Variants in PKD1L1 observed in about 807,000 individuals in gnomAD.
PKD1L1 encodes polycystin 1 like 1, transient receptor potential channel interacting, also known as polycystin-1-like protein 1.
A neutral mutation model predicts 323.4 loss-of-function variants in PKD1L1; 236 were observed. The observed-to-expected ratio is 0.73, with a 90% CI of 0.66 to 0.81. PKD1L1 has a LOEUF of 0.81. Among genes scored for constraint, PKD1L1 ranks in the 40% least tolerant of loss-of-function variants. The pLI is 0.00. For synonymous variants in PKD1L1, 1,344 were observed against 1,335.0 expected, an observed-to-expected ratio of 1.01 and a Z score of -0.15; for missense variants, 3,320 against 3,508.0, an observed-to-expected ratio of 0.95 and a Z score of 1.35.
At chr7:47,838,133 C>CT (rs1785495946) in intron 36 of PKD1L1, among the ~76,000 whole-genome samples, 1 of 152,240 alleles carries the variant, frequency 6.6e-6, no homozygotes, top group Admixed American at 6.5e-5. Context: ...TTGAATGGAC[C>CT]TTCAGTTTTA....
At chr7:47,922,840 G>C (rs6963179) in intron 7 of PKD1L1, among the ~76,000 whole-genome samples, 18,238 of 152,250 alleles carry the variant, frequency 0.12, 3,712 homozygotes, top group African/African-American at 0.42. Flanking sequence ...GGAGGTGTAC[G>C]CAACAGCTCA....
chr7:47,932,017 C>A lies in PKD1L1; in HGVS notation c.438G>T (p.Trp146Cys). Residue 146 changes from tryptophan (W) to cysteine (C), a missense_variant, in exon 5 of 57, where the codon TGG (tryptophan) becomes TGT (cysteine). Coordinates refer to ENST00000289672, the MANE Select transcript of PKD1L1 (RefSeq NM_138295.5). Reference protein sequence around the residue: ...HKPFIIIARAWSSGGPRFHHR... With the variant: ...HKPFIIIARACSSGGPRFHHR... ...GATGGAACCTGGGGCCACCACTGCT[C>A]CAGGCCCTTGCGATTATAATGAAAG... is the stretch of plus-strand genomic sequence containing the variant. 2 of 1,613,788 alleles carry A rather than the reference C, an allele frequency of 1.2e-6. No individual in the cohort carries two copies. The highest frequency in any genetic ancestry group is 1.7e-6 in the Non-Finnish European group (2 of 1,179,806).
At chr7:47,797,010 A>C (rs1311760007) in intron 54 of PKD1L1, among the ~76,000 whole-genome samples, 8 of 151,106 alleles carry the variant, frequency 5.3e-5, no homozygotes, top group Admixed American at 1.3e-4. Context: ...AAAAAAAAAA[A>C]AAAAAACACC....
intron 7 of PKD1L1, among the ~76,000 whole-genome samples, chr7:47,922,674 G>A (rs1787572938): frequency 1.3e-5 from 2 of 151,650 alleles, no homozygotes; most frequent in African/African-American, 2.4e-5. Flanking sequence ...CCTCCGCCCG[G>A]CAGCTGCCCC....
intron 15 of PKD1L1, among the ~76,000 whole-genome samples, chr7:47,892,744 C>A (rs926107933): frequency 6.6e-6 from 1 of 152,024 alleles, no homozygotes; most frequent in African/African-American, 2.4e-5. Flanking sequence ...CTATCCCTGC[C>A]TTGGAGACAG....
chr7:47,890,673 A>G lies in PKD1L1; in HGVS notation c.2544T>C (p.Thr848=). ...TGAGCCATTGTGCCTCAAAGGAAAC[A>G]GTGGGAGCCGCGGCATCCAGTTGGT... is the stretch of plus-strand genomic sequence containing the variant. ...TAHQLDAAAP[T]VSFEAQWLSD... The change falls in exon 16 of 57, where the codon ACT becomes ACC. Residue 848 remains threonine, a synonymous_variant. Coordinates refer to ENST00000289672, the MANE Select transcript of PKD1L1 (RefSeq NM_138295.5). 12 of 1,614,072 alleles carry G rather than the reference A, an allele frequency of 7.4e-6. No individual in the cohort carries two copies. Among genetic ancestry groups the G allele is most frequent in the Non-Finnish European group, 1.0e-5 (12 of 1,180,026 alleles).
intron 14 of PKD1L1, among the ~76,000 whole-genome samples, chr7:47,896,399 G>A (rs1323844376): frequency 2.0e-5 from 3 of 147,264 alleles, no homozygotes; most frequent in Non-Finnish European, 3.0e-5. Context: ...TAACATTAAT[G>A]TTGGTCAGTT....
At chr7:47,777,405 T>A (rs538739318) in intron 56 of PKD1L1, among the ~76,000 whole-genome samples, 5 of 152,204 alleles carry the variant, frequency 3.3e-5, no homozygotes, top group Non-Finnish European at 5.9e-5. Context: ...CTGTAGCAGA[T>A]ATCCTGCAAC....
chr7:47,954,795 C>T, the PKD1L1 span, among the ~76,000 whole-genome samples: 1 of 152,190 alleles, frequency 6.6e-6, no homozygotes, highest in South Asian at 2.1e-4. Flanking sequence ...GAGAAACTGT[C>T]TCAAGAGGCT....
At chr7:47,819,337 A>G (rs1359425684) in intron 46 of PKD1L1, among the ~76,000 whole-genome samples, 4 of 152,258 alleles carry the variant, frequency 2.6e-5, no homozygotes, top group Non-Finnish European at 5.9e-5. Flanking sequence ...CTCAGCTGCG[A>G]TATTTCTGAT....
chr7:47,865,568 A>ATT (rs1262024152), intron 25 of PKD1L1, among the ~76,000 whole-genome samples: 2 of 140,490 alleles, frequency 1.4e-5, no homozygotes, highest in South Asian at 4.5e-4. Context: ...CAATTTATTT[A>ATT]TTATTTTATT....
At chr7:47,831,190 G>C (rs757933684) in intron 42 of PKD1L1, 27 bp downstream of exon 42, 2 of 1,602,158 alleles carry the variant, frequency 1.2e-6, no homozygotes, top group Non-Finnish European at 1.7e-6. Context: ...GAGGACCTGA[G>C]GATGTTTGAA....
In PKD1L1 at chr7:47,833,247, A is replaced by G. The variant is rs921634; in HGVS notation, c.6180T>C (p.Pro2060=). ...CACTCCCAGAGAGAATGGCTGATGC[A>G]GGTTGCTAGAATGACAAGGTCATGC... ...IPDAQEPRKQ[P]ASAILSGSGR... Residue 2060 remains proline, a synonymous_variant, in exon 41 of 57, where the codon CCT becomes CCC. Transcript: ENST00000289672. 1,175,721 of 1,611,464 alleles carry G rather than the reference A, an allele frequency of 0.73. 430,176 individuals carry two copies. Among genetic ancestry groups the G allele is most frequent in the East Asian group, 0.89 (40,029 of 44,840 alleles).
chr7:47,917,932 C>A (rs529279352), intron 7 of PKD1L1, among the ~76,000 whole-genome samples: 6 of 151,980 alleles, frequency 3.9e-5, no homozygotes, highest in Admixed American at 3.9e-4. Context: ...AAACCAATAA[C>A]TAAAGTATAC....
chr7:47,939,528 A>T (rs765060970), intron 3 of PKD1L1, among the ~76,000 whole-genome samples: 22 of 152,160 alleles, frequency 1.4e-4, no homozygotes, highest in Non-Finnish European at 2.8e-4. Context: ...CACAGATGTG[A>T]GAGTCACTCC....
intron 21 of PKD1L1, 102 bp downstream of exon 21, chr7:47,880,626 C>A: frequency 2.4e-6 from 2 of 818,816 alleles, no homozygotes; most frequent in Non-Finnish European, 1.9e-6. Flanking sequence ...TTAGCCTTTA[C>A]GCTGATGTAG....
chr7:47,886,937 T>C (rs1314878553), intron 17 of PKD1L1, among the ~76,000 whole-genome samples: 1 of 152,146 alleles, frequency 6.6e-6, no homozygotes, highest in Non-Finnish European at 1.5e-5. Context: ...ACCATGAGCA[T>C]ATAAATGGCC....
chr7:47,899,626 C>T (rs960393777), intron 13 of PKD1L1, among the ~76,000 whole-genome samples: 7 of 151,656 alleles, frequency 4.6e-5, no homozygotes, highest in African/African-American at 1.7e-4. Flanking sequence ...GGGTCTCCCC[C>T]AGAGGGATTT....
At chr7:47,958,967 G>A in the PKD1L1 span, among the ~76,000 whole-genome samples, 2 of 152,160 alleles carry the variant, frequency 1.3e-5, no homozygotes, top group South Asian at 2.1e-4. Flanking sequence ...GATTGCAGGC[G>A]CGCGCCACCA....
Sources: gnomAD v4.1 joint callset for allele counts (sites outside exome capture counted in the v4.1 genomes callset) on GRCh38, gnomAD v4.1.1 for gene constraint, MANE v1.5 for transcripts, NCBI Gene and HGNC (gene_info 2026-07-23, HGNC 2026-07-21) for gene names.